Variants in TMEM266 observed in about 807,000 individuals in gnomAD.
TMEM266 encodes the protein Hv1 related protein 1.
Under a neutral mutation model 50.5 loss-of-function variants are expected in TMEM266, and 33 were observed. The ratio of observed to expected loss-of-function variants is 0.65; its 90% CI spans 0.50 to 0.87. The LOEUF is 0.87. Among genes scored for constraint, TMEM266 ranks in the 40% least tolerant of loss-of-function variants. TMEM266 has a pLI of 0.00. For synonymous variants in TMEM266, 310 were observed against 292.3 expected, an observed-to-expected ratio of 1.06 and a Z score of -0.62; for missense variants, 655 against 695.1, an observed-to-expected ratio of 0.94 and a Z score of 0.65.
intron 8 of TMEM266, among the ~76,000 whole-genome samples, chr15:76,183,491 G>A (rs927562420): frequency 1.3e-5 from 2 of 152,160 alleles, no homozygotes; most frequent in African/African-American, 4.8e-5. Flanking sequence ...ATTGGGCACA[G>A]CAGGTTTTTA....
Position 76,175,571 on chromosome 15 carries a change from C to T in TMEM266, c.665C>T (p.Pro222Leu). 2 of 1,613,926 alleles carry T rather than the reference C, an allele frequency of 1.2e-6. No homozygotes were observed. The highest frequency in any genetic ancestry group is 1.1e-5 in the South Asian group (1 of 91,026). ...CTCTGTCTTCCAGCCTACGTCCTGCCAGTGAAGCTGGAGATGGAGATGGTT... is the reference window on the plus strand; with the variant it reads ...CTCTGTCTTCCAGCCTACGTCCTGCTAGTGAAGCTGGAGATGGAGATGGTT... Residue 222 changes from proline to leucine, a missense_variant, in exon 8 of 11, where the codon CCA (proline) becomes CTA (leucine). Pro to Leu is a moderately conservative substitution (Grantham distance 98). This residue lies in a region of TMEM266 where 101 missense variants were observed against 182.6 expected (regional missense o/e 0.55). Transcript: ENST00000388942.
chr15:76,188,863 A>C (rs144031797), intron 8 of TMEM266, among the ~76,000 whole-genome samples: 2 of 152,336 alleles, frequency 1.3e-5, no homozygotes, highest in East Asian at 3.9e-4. Flanking sequence ...GAACAAAATC[A>C]TAAATGCATA....
At chr15:76,196,870 G>A (rs1050948772) in intron 9 of TMEM266, among the ~76,000 whole-genome samples, 12 of 152,198 alleles carry the variant, frequency 7.9e-5, no homozygotes, top group Non-Finnish European at 1.5e-5. Flanking sequence ...AGGCTGCAGA[G>A]TTCCAGGCTT....
At chr15:76,149,742 A>G (rs1480169343) in intron 3 of TMEM266, among the ~76,000 whole-genome samples, 1 of 152,218 alleles carries the variant, frequency 6.6e-6, no homozygotes, top group East Asian at 1.9e-4. Context: ...CTCCATGACA[A>G]CAGAGAAAAA....
rs551730271 is a variant in TMEM266, at chr15:76,136,066, C to A, written c.39-1641C>A. ...TCAAGCGATTCTCCTGCCTCAGCCT[C>A]CCAAGTAGCTGGGATTACAGGCATG... On this transcript the variant is annotated intron_variant, in intron 2 of 10. Coordinates refer to ENST00000388942, the MANE Select transcript of TMEM266 (RefSeq NM_152335.3). Among the ~76,000 whole-genome samples, 39 of 152,226 alleles carry A rather than the reference C, an allele frequency of 2.6e-4. 1 individual carries two copies. The South Asian group carries it at 7.9e-3, about 31-fold the overall frequency.
chr15:76,190,188 C>T (rs2038546864), intron 8 of TMEM266, among the ~76,000 whole-genome samples: 1 of 151,582 alleles, frequency 6.6e-6, no homozygotes, highest in African/African-American at 2.4e-5. Context: ...TCAGGGAAGG[C>T]CCCTCTGAGG....
chr15:76,085,248 C>T (rs189161465), intron 1 of TMEM266, among the ~76,000 whole-genome samples: 24 of 151,418 alleles, frequency 1.6e-4, no homozygotes, highest in African/African-American at 4.8e-4. Flanking sequence ...CTTGAGCCAC[C>T]GCGCCCAGCC....
chr15:76,137,132 T>G (rs2142031524), intron 2 of TMEM266, among the ~76,000 whole-genome samples: 1 of 152,048 alleles, frequency 6.6e-6, no homozygotes, highest in East Asian at 1.9e-4. Context: ...AGGAAGGGAG[T>G]GGCTACCAGG....
intron 1 of TMEM266, among the ~76,000 whole-genome samples, chr15:76,123,401 A>G (rs2037371888): frequency 6.6e-6 from 1 of 152,214 alleles, no homozygotes; most frequent in Admixed American, 6.5e-5. Context: ...GCTTCCCCCT[A>G]GGAGCAGATT....
intron 3 of TMEM266, among the ~76,000 whole-genome samples, chr15:76,145,251 A>T (rs1182503700): frequency 6.6e-6 from 1 of 152,130 alleles, no homozygotes; most frequent in East Asian, 1.9e-4. Flanking sequence ...GACCTCACCA[A>T]CCCATTACTA....
chr15:76,132,675 G>A (rs1001790161), intron 1 of TMEM266, among the ~76,000 whole-genome samples: 5 of 151,376 alleles, frequency 3.3e-5, no homozygotes, highest in Non-Finnish European at 5.9e-5. Context: ...CATGCCTGTA[G>A]TCCCAGCTAC....
Position 76,153,867 on chromosome 15 carries a change from T to C in TMEM266, c.228-2737T>C, listed in dbSNP as rs2955741. Among the ~76,000 whole-genome samples, 77,721 of 151,984 alleles carry C rather than the reference T, an allele frequency of 0.51. 20,025 individuals are homozygous for C. The highest frequency in any genetic ancestry group is 0.61 in the South Asian group (2,931 of 4,806). On this transcript the variant is annotated intron_variant, in intron 3 of 10. Transcript: ENST00000388942. The surrounding 1 kb of genome is among the most constrained non-coding windows in gnomAD (Gnocchi z 4.2). ...AAGGCTCGTTAATGGATGGAAGCGC[T>C]GTGCCGCTGGCACTGCTGCGGGCAG...
chr15:76,114,508 A>C (rs1236083805), intron 1 of TMEM266, among the ~76,000 whole-genome samples: 4 of 152,140 alleles, frequency 2.6e-5, no homozygotes, highest in Non-Finnish European at 5.9e-5. Context: ...ATAGAGTGAG[A>C]CCCTGTCTCA....
In TMEM266 at chr15:76,161,190, G is replaced by A. The variant is rs1291514874; in HGVS notation, c.456+1022G>A. ...TACATATTAGCCCATGCAAAGTCCCGTGGGCCTTTCAGCATGGCTCAGGAA... is the reference window on the plus strand; with the variant it reads ...TACATATTAGCCCATGCAAAGTCCCATGGGCCTTTCAGCATGGCTCAGGAA... On this transcript the variant is annotated intron_variant, in intron 5 of 10. Transcript: ENST00000388942. This position sits in a 1 kb window ranked among gnomAD's most constrained non-coding sequence, Gnocchi z 4.1. 1.3e-5 allele frequency among the ~76,000 whole-genome samples: 2 copies of A among 152,270 alleles called. No individual in the cohort carries two copies. Among genetic ancestry groups the A allele is most frequent in the African/African-American group, 2.4e-5 (1 of 41,562 alleles).
chr15:76,067,523 C>A (rs536907938), intron 1 of TMEM266, among the ~76,000 whole-genome samples: 2 of 151,340 alleles, frequency 1.3e-5, no homozygotes, highest in African/African-American at 2.4e-5. Flanking sequence ...CATGCCTGTA[C>A]TCGGGAGGCT....
At chr15:76,154,394 C>T (rs2037890973) in intron 3 of TMEM266, among the ~76,000 whole-genome samples, 1 of 152,144 alleles carries the variant, frequency 6.6e-6, no homozygotes, top group Non-Finnish European at 1.5e-5. Flanking sequence ...GGCATGAAAG[C>T]AGAAAGATGT....
chr15:76,136,320 G>C (rs755836540), intron 2 of TMEM266, among the ~76,000 whole-genome samples: 27 of 152,286 alleles, frequency 1.8e-4, no homozygotes, highest in Middle Eastern at 6.8e-3. Flanking sequence ...CAAGTATAGG[G>C]ACTTGTCACT....
intron 2 of TMEM266, among the ~76,000 whole-genome samples, chr15:76,135,933 C>A (rs1217893724): frequency 6.7e-6 from 1 of 148,910 alleles, no homozygotes; most frequent in African/African-American, 2.4e-5. Flanking sequence ...GGGATAACTG[C>A]AGCTGTGGGT....
intron 1 of TMEM266, among the ~76,000 whole-genome samples, chr15:76,060,442 G>T (rs2036278681): frequency 6.6e-6 from 1 of 152,166 alleles, no homozygotes; most frequent in African/African-American, 2.4e-5. Context: ...TGGTATAGAG[G>T]TGGAAATCCC....
Sources: gnomAD v4.1 joint callset for allele counts (sites outside exome capture counted in the v4.1 genomes callset) on GRCh38, gnomAD v4.1.1 for gene constraint, gnomAD v4.1.1 regional missense constraint, Gnocchi (gnomAD v3.1) non-coding constraint, MANE v1.5 for transcripts, NCBI Gene and HGNC (gene_info 2026-07-23, HGNC 2026-07-21) for gene names.